CNTN5: variants seen among roughly 807,000 people sequenced by gnomAD.
CNTN5 encodes the protein contactin-5.
In CNTN5, 77 loss-of-function variants were observed where a neutral mutation model predicts 129.1. The observed-to-expected ratio is 0.60, with a 90% confidence interval of 0.50 to 0.72. CNTN5 has a LOEUF of 0.72. Ranked by LOEUF, CNTN5 falls within the 30% of genes least tolerant of loss-of-function variation. CNTN5 has a pLI of 0.00. For synonymous variants in CNTN5, 509 were observed against 465.6 expected, an observed-to-expected ratio of 1.09 and a Z score of -1.20; for missense variants, 1,478 against 1,328.8, an observed-to-expected ratio of 1.11 and a Z score of -1.75.
intron 9 of CNTN5, among the ~76,000 whole-genome samples, 175 bp downstream of exon 9, chr11:100,002,311 C>T (rs1180528302): frequency 6.6e-6 from 1 of 152,090 alleles, no homozygotes; most frequent in East Asian, 1.9e-4. Flanking sequence ...CAGTTATCTT[C>T]TAGTCATTTC....
At chr11:99,793,052 A>C (rs941719693) in intron 3 of CNTN5, among the ~76,000 whole-genome samples, 2 of 149,682 alleles carry the variant, frequency 1.3e-5, no homozygotes, top group Non-Finnish European at 3.0e-5. Context: ...CTAGCAGTCT[A>C]TCTATCTTAT....
rs531014462 is a variant in CNTN5 at position 100,163,633 on chromosome 11, C to G, written c.1581-27493C>G. ...ATCAATCAATCAGTTGTCTGACCTA[C>G]TGCCTACCACACACTTCTTGTTTCT... On this transcript the variant is annotated intron_variant, in intron 13 of 24. Coordinates refer to ENST00000524871, the MANE Select transcript of CNTN5 (RefSeq NM_014361.4). Among the ~76,000 whole-genome samples, 125 of 151,886 alleles carry G rather than the reference C, an allele frequency of 8.2e-4. 1 individual carries two copies. The highest frequency in any genetic ancestry group is 9.6e-4 in the Non-Finnish European group (65 of 67,876).
chr11:99,527,781 C>T (rs895368877), intron 2 of CNTN5, among the ~76,000 whole-genome samples: 3 of 152,102 alleles, frequency 2.0e-5, no homozygotes, highest in South Asian at 2.1e-4. Context: ...ATACACCTCA[C>T]GAAGGCATAA....
intron 2 of CNTN5, among the ~76,000 whole-genome samples, chr11:99,497,466 G>C (rs1946269192): frequency 6.6e-6 from 1 of 152,092 alleles, no homozygotes; most frequent in South Asian, 2.1e-4. Context: ...CTTTTCTGTA[G>C]GAACTTAGTA....
intron 21 of CNTN5, among the ~76,000 whole-genome samples, chr11:100,319,460 C>CT (rs1184959208): frequency 6.6e-6 from 1 of 152,038 alleles, no homozygotes; most frequent in Non-Finnish European, 1.5e-5. Flanking sequence ...GCTGACTTCC[C>CT]TTTTTTCTGA....
intron 1 of CNTN5, among the ~76,000 whole-genome samples, chr11:99,301,903 A>C (rs1864658462): frequency 6.6e-6 from 1 of 151,744 alleles, no homozygotes; most frequent in Non-Finnish European, 1.5e-5. Flanking sequence ...AATGTAATTA[A>C]ATTAAATATG....
chr11:100,086,909 T>TATG (rs1292609337), intron 13 of CNTN5, among the ~76,000 whole-genome samples: 2 of 151,666 alleles, frequency 1.3e-5, no homozygotes, highest in Non-Finnish European at 3.0e-5. Flanking sequence ...TCTATGTATT[T>TATG]ATGTTACAAA....
intron 6 of CNTN5, among the ~76,000 whole-genome samples, chr11:99,901,321 C>T (rs1949351522): frequency 6.6e-6 from 1 of 151,704 alleles, no homozygotes; most frequent in Admixed American, 6.6e-5. Context: ...AATGGAGTCT[C>T]ACTTTGTTGG....
intron 2 of CNTN5, among the ~76,000 whole-genome samples, chr11:99,501,669 C>A (rs148365201): frequency 6.6e-6 from 1 of 152,148 alleles, no homozygotes; most frequent in Non-Finnish European, 1.5e-5. Flanking sequence ...AGTGATTCAA[C>A]CATTCATTCA....
intron 2 of CNTN5, among the ~76,000 whole-genome samples, chr11:99,402,976 C>G (rs1019075866): frequency 4.7e-5 from 7 of 150,466 alleles, no homozygotes; most frequent in African/African-American, 1.7e-4. Flanking sequence ...CTGTCTTAGT[C>G]TGGCTAAAAG....
chr11:99,601,733 CG>C (rs1950317717), intron 3 of CNTN5, among the ~76,000 whole-genome samples: 1 of 152,174 alleles, frequency 6.6e-6, no homozygotes. Flanking sequence ...TGTTCTCCAA[CG>C]CCCAGTAGGA....
intron 13 of CNTN5, among the ~76,000 whole-genome samples, chr11:100,129,262 C>G (rs938883473): frequency 2.0e-5 from 3 of 151,948 alleles, no homozygotes; most frequent in Non-Finnish European, 4.4e-5. Context: ...GTGGCTATAC[C>G]CCTTTCAGGT....
chr11:99,746,709 G>A (rs115864853), intron 3 of CNTN5, among the ~76,000 whole-genome samples: 11 of 152,130 alleles, frequency 7.2e-5, no homozygotes, highest in African/African-American at 2.4e-4. Context: ...ACTGCCCTAC[G>A]CCCTCTTCTT....
rs375539472 is a variant in CNTN5 at position 99,657,084 on chromosome 11, A to AAAAG, written c.55+100818_55+100819insGAAA. Among the ~76,000 whole-genome samples the AAAAG allele has an allele frequency of 2.2e-3, 334 of 151,938 alleles. 1 individual carries two copies. The highest frequency in any genetic ancestry group is 7.3e-3 in the African/African-American group (305 of 41,508). On this transcript the variant is annotated intron_variant, in intron 3 of 24. Coordinates refer to ENST00000524871, the MANE Select transcript of CNTN5 (RefSeq NM_014361.4). ...AAAAATAAGAAAAAAAAAAAAGAGA[A>AAAAG]AAAAAATAAATCTAAGTACAGATAG...
At chr11:99,732,918 T>C (rs1282504829) in intron 3 of CNTN5, among the ~76,000 whole-genome samples, 2 of 152,164 alleles carry the variant, frequency 1.3e-5, no homozygotes, top group African/African-American at 2.4e-5. Context: ...ATAAAAGATA[T>C]GCCTTTTATT....
intron 13 of CNTN5, among the ~76,000 whole-genome samples, chr11:100,111,373 G>T (rs1026377619): frequency 9.2e-5 from 14 of 152,080 alleles, no homozygotes; most frequent in Non-Finnish European, 7.4e-5. Flanking sequence ...TCTCAAAAAG[G>T]CAGGATACAA....
chr11:99,703,590 G>A (rs1253401316), intron 3 of CNTN5, among the ~76,000 whole-genome samples: 2 of 150,800 alleles, frequency 1.3e-5, no homozygotes, highest in African/African-American at 2.4e-5. Flanking sequence ...TTGTAAATCC[G>A]AAAGTTTAAG....
intron 2 of CNTN5, among the ~76,000 whole-genome samples, chr11:99,452,363 A>G (rs1431004393): frequency 6.9e-6 from 1 of 145,392 alleles, no homozygotes; most frequent in Non-Finnish European, 1.5e-5. Context: ...TTTATATCTA[A>G]ACACAGGTGT....
chr11:100,187,126 T>C (rs1452573), intron 13 of CNTN5, among the ~76,000 whole-genome samples: 1,783 of 152,272 alleles, frequency 0.012, 37 homozygotes, highest in African/African-American at 0.04. Flanking sequence ...TAGTTACATA[T>C]AGTCCTAGGT....
Sources: gnomAD v4.1 joint callset for allele counts (sites outside exome capture counted in the v4.1 genomes callset) on GRCh38, gnomAD v4.1.1 for gene constraint, MANE v1.5 for transcripts, NCBI Gene and HGNC (gene_info 2026-07-23, HGNC 2026-07-21) for gene names.